The following RANBP17 variants were observed in gnomAD, a reference collection of about 807,000 sequenced individuals.
RANBP17 encodes the protein RAN binding protein 17, also known as ran-binding protein 17.
RANBP17 carries 158 observed loss-of-function variants against 141.2 expected under a neutral mutation model. That is an observed-to-expected ratio of 1.12 (90% CI 0.98 to 1.28). RANBP17 has a LOEUF of 1.28. RANBP17 is among the 50% of genes most tolerant of loss of function. The probability of loss-of-function intolerance (pLI) is 0.00; values close to 1 mark genes in which losing one functional copy is unlikely to be tolerated. For synonymous variants in RANBP17, 430 were observed against 450.0 expected (o/e 0.96, Z 0.56); for missense variants, 1,438 against 1,290.7 (o/e 1.11, Z -1.75).
rs550974031 is a variant in RANBP17 at position 171,268,661 on chromosome 5, G to GA, written c.2943+2826dup. 5.7e-3 allele frequency among the ~76,000 whole-genome samples: 825 copies of GA among 143,634 alleles called. 11 individuals carry two copies. The highest frequency in any genetic ancestry group is 0.041 in the South Asian group (184 of 4,526). 94.2% of individuals were successfully genotyped at this position (143,634 alleles called of 152,430 possible). ...TGACTTAAAGCATGTCCACACTGAAGAAAAAAAAAAAATTCATGGATTGGC... is the reference window on the plus strand; with the variant it reads ...TGACTTAAAGCATGTCCACACTGAAGAAAAAAAAAAAAATTCATGGATTGGC... On this transcript the variant is annotated intron_variant, in intron 25 of 27. Transcript: ENST00000523189.
At chr5:171,128,440 C>T (rs1386477393) in intron 14 of RANBP17, among the ~76,000 whole-genome samples, 1 of 152,018 alleles carries the variant, frequency 6.6e-6, no homozygotes, top group South Asian at 2.1e-4. Context: ...TGTTCTTTCT[C>T]ATATGAGAGA....
At chr5:171,234,171 C>T (rs1372233953) in intron 22 of RANBP17, among the ~76,000 whole-genome samples, 1 of 152,024 alleles carries the variant, frequency 6.6e-6, no homozygotes, top group Non-Finnish European at 1.5e-5. Context: ...TAAAGACTTC[C>T]AGTAAATGAG....
At chr5:171,242,201 T>C (rs1370731171) in intron 23 of RANBP17, among the ~76,000 whole-genome samples, 1 of 152,166 alleles carries the variant, frequency 6.6e-6, no homozygotes, top group African/African-American at 2.4e-5. Flanking sequence ...ATCTTTCTCA[T>C]GCACTTATCT....
chr5:171,147,339 T>TTGTG (rs59202388), intron 14 of RANBP17, among the ~76,000 whole-genome samples: 9,996 of 104,674 alleles, frequency 0.095, 479 homozygotes, highest in East Asian at 0.21. Flanking sequence ...CTTGGTTGTT[T>TTGTG]TGTGTGTGTG....
intron 21 of RANBP17, among the ~76,000 whole-genome samples, chr5:171,220,888 C>G (rs1048282010): frequency 1.5e-4 from 23 of 152,188 alleles, no homozygotes; most frequent in African/African-American, 5.5e-4. Context: ...AACTTGTATG[C>G]CAGCAATCAT....
chr5:171,127,093 CA>C (rs777494283), intron 14 of RANBP17, among the ~76,000 whole-genome samples: 17 of 152,074 alleles, frequency 1.1e-4, no homozygotes, highest in Admixed American at 2.6e-4. Flanking sequence ...AAAATACTTG[CA>C]AACCAAATAG....
chr5:170,945,383 G>A (rs1314358380), intron 12 of RANBP17, among the ~76,000 whole-genome samples: 1 of 152,052 alleles, frequency 6.6e-6, no homozygotes, highest in Admixed American at 6.6e-5. Flanking sequence ...GTTAAAAAGG[G>A]GATGACAATT....
Position 170,918,824 on chromosome 5 carries a change from A to T in RANBP17, c.1066A>T (p.Arg356Ter). The change falls in exon 10 of 28, where the codon AGA becomes TGA. Residue 356 changes from arginine (R) to a stop codon, truncating the protein, a stop_gained. Transcript: ENST00000523189. LOFTEE classifies it high-confidence loss of function. ...GGTGAAGGAATATCCTGAAGTTATT[A>T]GATTGATTGCTAATTTTACCATTAC... ...VMVKEYPEVIRLIANFTITSL... is the reference protein window; with the variant it reads ...VMVKEYPEVI 1.3e-6 allele frequency: 2 copies of T among 1,588,286 alleles called. No homozygotes were observed. The highest frequency in any genetic ancestry group is 1.7e-6 in the Non-Finnish European group (2 of 1,165,698).
intron 1 of RANBP17, among the ~76,000 whole-genome samples, chr5:170,864,138 T>TA (rs1767046246): frequency 6.6e-6 from 1 of 152,188 alleles, no homozygotes; most frequent in Non-Finnish European, 1.5e-5. Flanking sequence ...CACTGAGTCT[T>TA]AAAACAGTTG....
At chr5:171,074,624 A>G (rs946457836) in intron 14 of RANBP17, among the ~76,000 whole-genome samples, 6 of 152,216 alleles carry the variant, frequency 3.9e-5, no homozygotes, top group Admixed American at 2.6e-4. Flanking sequence ...TTGTTTCAAG[A>G]CAAAATGTTT....
intron 18 of RANBP17, among the ~76,000 whole-genome samples, chr5:171,196,838 A>G (rs1409669665): frequency 1.3e-5 from 2 of 151,990 alleles, no homozygotes; most frequent in East Asian, 3.9e-4. Flanking sequence ...CTTTTTTTTA[A>G]GAGACGAGAT....
At chr5:171,204,761 C>G (rs1292418753) in intron 19 of RANBP17, among the ~76,000 whole-genome samples, 1 of 152,068 alleles carries the variant, frequency 6.6e-6, no homozygotes, top group Non-Finnish European at 1.5e-5. Context: ...TTCTCTAAAA[C>G]TAAATACTTA....
intron 14 of RANBP17, among the ~76,000 whole-genome samples, chr5:171,012,081 GTTTA>G (rs1461552433): frequency 7.5e-6 from 1 of 133,152 alleles, no homozygotes; most frequent in Non-Finnish European, 1.7e-5. Context: ...TATATTGTTT[GTTTA>G]TTTGTTTAAA....
chr5:171,037,562 A>G (rs151061648), intron 14 of RANBP17, among the ~76,000 whole-genome samples: 1 of 152,208 alleles, frequency 6.6e-6, no homozygotes, highest in African/African-American at 2.4e-5. Context: ...TAGGATTCTT[A>G]TAGTTTGAGG....
intron 24 of RANBP17, among the ~76,000 whole-genome samples, chr5:171,253,740 G>A (rs2128006663): frequency 6.6e-6 from 1 of 152,270 alleles, no homozygotes; most frequent in East Asian, 1.9e-4. Flanking sequence ...GTTAATGTCA[G>A]TTTAAGTAGT....
chr5:171,059,521 A>G (rs1258384247), intron 14 of RANBP17, among the ~76,000 whole-genome samples: 4 of 151,144 alleles, frequency 2.6e-5, no homozygotes, highest in Non-Finnish European at 4.5e-5. Context: ...CCATTGATCT[A>G]TATCTCTGTT....
intron 14 of RANBP17, among the ~76,000 whole-genome samples, chr5:171,014,078 C>T (rs1242089133): frequency 6.6e-6 from 1 of 151,782 alleles, no homozygotes. Flanking sequence ...TTGAAAAGAC[C>T]CTCTTTATTC....
intron 16 of RANBP17, among the ~76,000 whole-genome samples, chr5:171,178,058 A>G (rs1380717274): frequency 6.6e-6 from 1 of 151,162 alleles, no homozygotes; most frequent in East Asian, 1.9e-4. Context: ...TCTGGGATAC[A>G]TGTGCAGAAT....
intron 14 of RANBP17, among the ~76,000 whole-genome samples, chr5:171,053,017 A>G (rs1783062559): frequency 2.1e-5 from 1 of 47,402 alleles, no homozygotes; most frequent in Non-Finnish European, 5.2e-5. Context: ...ATGGGGTTTC[A>G]TCCTGTTGGC....
Sources: allele counts gnomAD v4.1 joint callset (sites outside exome capture counted in the v4.1 genomes callset), GRCh38; gene constraint gnomAD v4.1.1; transcripts MANE v1.5; gene names NCBI Gene and HGNC (gene_info 2026-07-23, HGNC 2026-07-21).